Variants in ETS1 observed in about 807,000 individuals in gnomAD.
ETS1 encodes the protein ETS proto-oncogene 1, transcription factor.
Under a neutral mutation model 58.6 loss-of-function variants are expected in ETS1, and 15 were observed. That is an observed-to-expected ratio of 0.26 (90% CI 0.17 to 0.39). The LOEUF is 0.39. Ranked by LOEUF, ETS1 falls within the 10% of genes least tolerant of loss-of-function variation. ETS1 has a pLI of 1.00. For missense variants in ETS1, 417 were observed against 610.5 expected (o/e 0.68, Z 3.34); for synonymous variants, 214 against 218.2 (o/e 0.98, Z 0.17).
rs1364595113 is a variant in ETS1, at chr11:128,549,551, G to T, written c.214+6740C>A. On this transcript the variant is annotated intron_variant, in intron 3 of 9. Transcript: ENST00000392668. This position sits in a 1 kb window ranked among gnomAD's most constrained non-coding sequence, Gnocchi z 4.3. Reference sequence around the variant, plus strand: ...GTTTTTTCTCTCCGCAGCCCCCTGGGAGTCCCAGCGCAATGCTGTTACTTC... The same window carrying T: ...GTTTTTTCTCTCCGCAGCCCCCTGGTAGTCCCAGCGCAATGCTGTTACTTC... Among the ~76,000 whole-genome samples the T allele has an allele frequency of 3.9e-5, 6 of 152,198 alleles. No homozygotes were observed. Among genetic ancestry groups the T allele is most frequent in the Middle Eastern group, 3.2e-3 (1 of 316 alleles).
At chr11:128,494,529 C>G (rs1161842828) in intron 3 of ETS1, among the ~76,000 whole-genome samples, 1 of 152,210 alleles carries the variant, frequency 6.6e-6, no homozygotes, top group Non-Finnish European at 1.5e-5. Flanking sequence ...TGGCCTAACC[C>G]TGAACCACCT....
intron 3 of ETS1, among the ~76,000 whole-genome samples, chr11:128,500,780 C>T (rs528280646): frequency 2.0e-5 from 3 of 152,220 alleles, no homozygotes; most frequent in East Asian, 3.9e-4. Flanking sequence ...ACACAGTATG[C>T]GTGCACACCC....
chr11:128,488,169 A>G (rs1210142432), intron 5 of ETS1, among the ~76,000 whole-genome samples: 1 of 152,196 alleles, frequency 6.6e-6, no homozygotes, highest in East Asian at 1.9e-4. Flanking sequence ...CGCTCATGTC[A>G]ACACCTATGA....
intron 3 of ETS1, among the ~76,000 whole-genome samples, chr11:128,499,284 T>C (rs1726055571): frequency 6.6e-6 from 1 of 152,264 alleles, no homozygotes; most frequent in Non-Finnish European, 1.5e-5. Context: ...TTGCAGATGC[T>C]GATGAATTGG....
chr11:128,521,539 A>C (rs1251832057), intron 3 of ETS1, among the ~76,000 whole-genome samples: 1 of 152,158 alleles, frequency 6.6e-6, no homozygotes. Context: ...TCAGGCGATG[A>C]TGTCCTCTGA....
intron 1 of ETS1, among the ~76,000 whole-genome samples, chr11:128,578,143 TC>T (rs1326871073): frequency 6.6e-6 from 1 of 152,032 alleles, no homozygotes; most frequent in Non-Finnish European, 1.5e-5. Context: ...CTTCCCACCC[TC>T]CCCAAACTGG....
intron 6 of ETS1, among the ~76,000 whole-genome samples, chr11:128,485,352 T>A (rs898049665): frequency 7.2e-5 from 11 of 152,232 alleles, no homozygotes; most frequent in African/African-American, 2.6e-4. Context: ...AGGATAGAGG[T>A]CAAATGCCCA....
In ETS1 at chr11:128,490,490, T is replaced by C; in HGVS notation, c.301A>G (p.Thr101Ala). The C allele has an allele frequency of 2.5e-6, 4 of 1,614,034 alleles. No homozygotes were observed. In the South Asian group the frequency reaches 4.4e-5, roughly 18 times the overall value. The stretch of plus-strand genomic sequence containing the variant: ...ATCCCCAGTCGTTGCTGTTCTTTAG[T>C]GAAACCACTGAAAGTAGCTTTTAAT... ...QALKATFSGF[T>A]KEQQRLGIPK... The change falls in exon 4 of 10, where the codon ACT (threonine) becomes GCT (alanine). Residue 101 changes from threonine to alanine, a missense_variant. This residue lies in a region of ETS1 where 132 missense variants were observed against 212.1 expected (regional missense o/e 0.62). Coordinates refer to ENST00000392668, the MANE Select transcript of ETS1 (RefSeq NM_001143820.2).
At chr11:128,467,308 C>T (rs1862065606) in intron 8 of ETS1, among the ~76,000 whole-genome samples, 2 of 152,190 alleles carry the variant, frequency 1.3e-5, no homozygotes, top group Non-Finnish European at 2.9e-5. Flanking sequence ...GGTTGGAAGG[C>T]ACACTGGCTA....
rs559261161 is a variant in ETS1 at position 128,470,537 on chromosome 11, C to CAT, written c.1124-6912_1124-6911dup. On this transcript the variant is annotated intron_variant, in intron 8 of 9. Transcript: ENST00000392668. ...CTTATTACAAAAATCTGCATATATA[C>CAT]ATATATATAGACAGAGAGAGAGAAA... Among the ~76,000 whole-genome samples, 72 of 151,794 alleles carry CAT rather than the reference C, an allele frequency of 4.7e-4. 2 individuals carry two copies. The South Asian group carries it at 0.014, about 30-fold the overall frequency.
Position 128,561,496 on chromosome 11 carries a change from G to T in ETS1, c.70-5061C>A, listed in dbSNP as rs12283007. 5.2e-3 allele frequency among the ~76,000 whole-genome samples: 785 copies of T among 152,306 alleles called. 11 individuals are homozygous for T. The highest frequency in any genetic ancestry group is 0.018 in the African/African-American group (743 of 41,540). On this transcript the variant is annotated intron_variant, in intron 2 of 9. Coordinates refer to ENST00000392668, the MANE Select transcript of ETS1 (RefSeq NM_001143820.2). ...ATTACATTAAGATATTATTCAACTTGATTACTGAGTTTGGGGGCACCCCAT... is the reference window on the plus strand; with the variant it reads ...ATTACATTAAGATATTATTCAACTTTATTACTGAGTTTGGGGGCACCCCAT...
chr11:128,526,790 G>A (rs915223457), intron 3 of ETS1: 1 of 368,978 alleles, frequency 2.7e-6, no homozygotes, highest in Admixed American at 3.6e-5. Context: ...CATTTGTAGT[G>A]CCTCTTTGGA....
intron 3 of ETS1, among the ~76,000 whole-genome samples, chr11:128,532,322 G>C (rs982396150): frequency 6.6e-6 from 1 of 152,176 alleles, no homozygotes; most frequent in African/African-American, 2.4e-5. Context: ...CAAACCATCG[G>C]TGCTCTTAGG....
intron 3 of ETS1, among the ~76,000 whole-genome samples, chr11:128,532,230 C>T (rs1863908762): frequency 6.6e-6 from 1 of 152,216 alleles, no homozygotes; most frequent in Non-Finnish European, 1.5e-5. Context: ...ATTCTGCTCC[C>T]TGGTGTTAAC....
intron 3 of ETS1, among the ~76,000 whole-genome samples, chr11:128,500,918 TC>T (rs1863072610): frequency 6.6e-6 from 1 of 152,168 alleles, no homozygotes; most frequent in Non-Finnish European, 1.5e-5. Flanking sequence ...GGTTGCCCCA[TC>T]CTTTTTGAGC....
Position 128,516,811 on chromosome 11 carries a change from G to A in ETS1, c.215-26235C>T, listed in dbSNP as rs545523786. Among the ~76,000 whole-genome samples, 47 of 152,300 alleles carry A rather than the reference G, an allele frequency of 3.1e-4. 1 individual carries two copies. Among genetic ancestry groups the A allele is most frequent in the African/African-American group, 1.1e-3 (47 of 41,552 alleles). ...CTATCTATGGCCTCTCTGCAAGCAG[G>A]ATAATTAAATTTTAACTGCCTTAAG... On this transcript the variant is annotated intron_variant, in intron 3 of 9. Transcript: ENST00000392668.
intron 3 of ETS1, among the ~76,000 whole-genome samples, chr11:128,493,181 CT>C (rs1339316561): frequency 2.0e-5 from 3 of 152,230 alleles, no homozygotes; most frequent in Non-Finnish European, 4.4e-5. Flanking sequence ...CCCCCAGAAT[CT>C]TCTCAACATG....
At chr11:128,559,146 C>A (rs938975546) in intron 2 of ETS1, among the ~76,000 whole-genome samples, 1 of 152,048 alleles carries the variant, frequency 6.6e-6, no homozygotes, top group Non-Finnish European at 1.5e-5. Flanking sequence ...TGTTACAGGC[C>A]CTGCTAGGGT....
At chr11:128,522,165 C>G in intron 3 of ETS1, 3 of 1,300,564 alleles carry the variant, frequency 2.3e-6, no homozygotes, top group Non-Finnish European at 2.9e-6. Context: ...ACGGTGCGCG[C>G]CCGGCACTCC....
Sources: allele counts gnomAD v4.1 joint callset (sites outside exome capture counted in the v4.1 genomes callset), GRCh38; gene constraint gnomAD v4.1.1; regional missense constraint gnomAD v4.1.1; non-coding constraint Gnocchi (gnomAD v3.1); transcripts MANE v1.5; gene names NCBI Gene and HGNC (gene_info 2026-07-23, HGNC 2026-07-21).